The following COPB1 variants were observed in gnomAD, a reference collection of about 807,000 sequenced individuals.
COPB1 encodes coatomer subunit beta.
In COPB1, 21 loss-of-function variants were observed where a neutral mutation model predicts 108.7. That is an observed-to-expected ratio of 0.19 (90% CI 0.14 to 0.28). The LOEUF (loss-of-function observed/expected upper bound fraction) is 0.28, where lower values mean the gene tolerates loss of function less well. Ranked by LOEUF, COPB1 falls within the 10% of genes least tolerant of loss-of-function variation. The pLI is 1.00. For synonymous variants in COPB1, 378 were observed against 386.8 expected, an observed-to-expected ratio of 0.98 and a Z score of 0.27; for missense variants, 919 against 1,141.3, an observed-to-expected ratio of 0.81 and a Z score of 2.81.
intron 10 of COPB1, 108 bp from the exon 11 acceptor site, chr11:14,479,822 GA>G: frequency 8.8e-7 from 1 of 1,140,652 alleles, no homozygotes; most frequent in Non-Finnish European, 1.2e-6. Flanking sequence ...TGTTTTCTAA[GA>G]GACAGGGTCT....
chr11:14,458,553 T>C lies in COPB1; in HGVS notation c.2781A>G (p.Ile927Met). The change falls in exon 21 of 22, where the codon ATA becomes ATG. Residue 927 changes from isoleucine (I) to methionine (M), a missense_variant. Ile to Met is a conservative substitution (Grantham distance 10). Transcript: ENST00000439561. ...QGPDAAVTGH[I>M]RIRAKSQGMA... Reference sequence around the variant, plus strand: ...TTACCTGGCTCTTTGCACGAATTCTTATATGGCCGGTAACAGCAGCATCTG... The same window carrying C: ...TTACCTGGCTCTTTGCACGAATTCTCATATGGCCGGTAACAGCAGCATCTG... 1 of 1,611,782 alleles carries C rather than the reference T, an allele frequency of 6.2e-7. No individual in the cohort carries two copies. Among genetic ancestry groups the C allele is most frequent in the Non-Finnish European group, 8.5e-7 (1 of 1,179,272 alleles).
intron 15 of COPB1, 26 bp from the exon 16 acceptor site, chr11:14,468,886 C>G: frequency 6.3e-7 from 1 of 1,587,044 alleles, no homozygotes; most frequent in Non-Finnish European, 8.6e-7. Flanking sequence ...AACAAAGTCT[C>G]TCTTTAATAT....
chr11:14,479,843 G>C (rs1850622740), intron 10 of COPB1, 129 bp from the exon 11 acceptor site: 5 of 910,864 alleles, frequency 5.5e-6, no homozygotes, highest in African/African-American at 3.4e-5. Flanking sequence ...TTGCTTTGCT[G>C]CCCAGGCTAG....
intron 14 of COPB1, among the ~76,000 whole-genome samples, chr11:14,471,548 A>G (rs535260162): frequency 6.6e-6 from 1 of 152,344 alleles, no homozygotes; most frequent in East Asian, 1.9e-4. Context: ...AAATCAAATC[A>G]ATTAAGGGAT....
chr11:14,458,711 C>G (rs550589523), intron 20 of COPB1, 24 bp from the exon 21 acceptor site: 1 of 1,598,144 alleles, frequency 6.3e-7, no homozygotes, highest in Admixed American at 1.7e-5. Context: ...GTGATAAATT[C>G]ATTACTTTAC....
At chr11:14,461,056 A>G in intron 19 of COPB1, 130 bp downstream of exon 19, 1 of 1,132,154 alleles carries the variant, frequency 8.8e-7, no homozygotes, top group Non-Finnish European at 1.3e-6. Context: ...TTGCAAGAAC[A>G]GATACTGAAA....
intron 8 of COPB1, 131 bp downstream of exon 8, chr11:14,482,901 A>C: frequency 1.4e-6 from 1 of 738,630 alleles, no homozygotes; most frequent in Non-Finnish European, 2.0e-6. Context: ...AATAGTTAAC[A>C]CTTTAGCTGA....
chr11:14,492,407 G>A (rs369510674), intron 4 of COPB1, among the ~76,000 whole-genome samples: 3 of 151,926 alleles, frequency 2.0e-5, no homozygotes, highest in Non-Finnish European at 4.4e-5. Flanking sequence ...GCAATAGCGC[G>A]ATCTCGGTTC....
intron 14 of COPB1, among the ~76,000 whole-genome samples, chr11:14,473,508 T>C (rs1850453314): frequency 6.6e-6 from 1 of 152,292 alleles, no homozygotes; most frequent in South Asian, 2.1e-4. Context: ...TTAACCGGCC[T>C]AATTTCAATA....
chr11:14,465,441 T>G (rs903996625), intron 17 of COPB1, among the ~76,000 whole-genome samples: 38 of 152,234 alleles, frequency 2.5e-4, no homozygotes, highest in African/African-American at 6.7e-4. Context: ...CAAGCGATCC[T>G]CCTACCTCAG....
intron 18 of COPB1, among the ~76,000 whole-genome samples, chr11:14,463,825 C>G (rs1432397092): frequency 6.6e-6 from 1 of 152,102 alleles, no homozygotes; most frequent in East Asian, 1.9e-4. Context: ...TTACTCTAGC[C>G]ACTTCCTCTT....
chr11:14,492,490 T>C lies in COPB1; in HGVS notation c.491+1152A>G, dbSNP rs113080410. 3.6e-3 allele frequency among the ~76,000 whole-genome samples: 550 copies of C among 152,200 alleles called. 8 individuals carry two copies. Among genetic ancestry groups the C allele is most frequent in the African/African-American group, 0.013 (535 of 41,542 alleles). On this transcript the variant is annotated intron_variant, in intron 4 of 21. Transcript: ENST00000439561. ...TCCTGAGTAGCTAGGACTACAGGCA[T>C]GTGCCACCACGCCCAGCTAATTTTG...
rs1850695422 is a variant in COPB1, at chr11:14,483,021, A to G, written c.957+11T>C. 4 of 1,524,834 alleles carry G rather than the reference A, an allele frequency of 2.6e-6. No individual in the cohort carries two copies. Among genetic ancestry groups the G allele is most frequent in the Admixed American group, 2.0e-5 (1 of 50,326 alleles). The allele number at this position is 1,524,834 out of a possible 1,614,324, so 94.5% of individuals were successfully genotyped here. A position where few individuals can be genotyped will look rare whatever the true frequency, so the allele number is the denominator to read the frequency against. Reference sequence around the variant, plus strand: ...TTTATTTAGGATCTCTCTTTTTCAGATAACACTTACCTGTAGTACTCGTTC... The same window carrying G: ...TTTATTTAGGATCTCTCTTTTTCAGGTAACACTTACCTGTAGTACTCGTTC... On this transcript the variant is annotated intron_variant, in intron 8 of 21. Transcript: ENST00000439561.
chr11:14,491,539 C>T (rs551156947), intron 4 of COPB1, among the ~76,000 whole-genome samples: 2 of 152,212 alleles, frequency 1.3e-5, no homozygotes, highest in South Asian at 4.1e-4. Flanking sequence ...CGTGGTAGCG[C>T]ATGCCTGTAA....
At chr11:14,469,993 C>A (rs1359987719) in intron 14 of COPB1, among the ~76,000 whole-genome samples, 1 of 152,182 alleles carries the variant, frequency 6.6e-6, no homozygotes, top group South Asian at 2.1e-4. Flanking sequence ...CTCATAAATG[C>A]TTCAGCATTC....
chr11:14,493,707 T>G lies in COPB1; in HGVS notation c.426A>C (p.Ala142=). Residue 142 remains alanine, a synonymous_variant, in exon 4 of 22, where the codon GCA becomes GCC. Transcript: ENST00000439561. ...LLEPLMPAIR[A]CLEHRHSYVR... is the part of the protein sequence containing the mutation. ...CATAGCTGTGTCGATGCTCCAAACA[T>G]GCACGAATAGCTGGCATTAAAGGTT... 2 of 1,613,992 alleles carry G rather than the reference T, an allele frequency of 1.2e-6. No individual in the cohort carries two copies. The highest frequency in any genetic ancestry group is 1.7e-6 in the Non-Finnish European group (2 of 1,179,972).
At chr11:14,467,344 C>T (rs1850306272) in intron 16 of COPB1, among the ~76,000 whole-genome samples, 1 of 151,968 alleles carries the variant, frequency 6.6e-6, no homozygotes, top group Admixed American at 6.6e-5. Context: ...TGAGATACCA[C>T]TTCACATACC....
chr11:14,491,064 AGG>A (rs1850889229), intron 4 of COPB1, among the ~76,000 whole-genome samples: 1 of 151,916 alleles, frequency 6.6e-6, no homozygotes, highest in Non-Finnish European at 1.5e-5. Flanking sequence ...CTGGGATTAC[AGG>A]TGTGAGCCAC....
rs1054765591 is a variant in COPB1, at chr11:14,486,373, T to G, written c.831A>C (p.Ala277=). The change falls in exon 7 of 22, where the codon GCA becomes GCC. Residue 277 remains alanine, a synonymous_variant. Coordinates refer to ENST00000439561, the MANE Select transcript of COPB1 (RefSeq NM_001144061.2). The part of the protein sequence containing the change: ...TLVTLSSAPT[A]IKAAAQCYID... The stretch of plus-strand genomic sequence containing the variant: ...CAAAAGAAATACACAGTACCTTGAT[T>G]GCAGTTGGTGCACTAGAGAGTGTCA... 1.2e-6 allele frequency: 2 copies of G among 1,614,118 alleles called. No individual in the cohort carries two copies. The highest frequency in any genetic ancestry group is 1.1e-5 in the South Asian group (1 of 91,086).
Sources: gnomAD v4.1 joint callset for allele counts (sites outside exome capture counted in the v4.1 genomes callset) on GRCh38, gnomAD v4.1.1 for gene constraint, MANE v1.5 for transcripts, NCBI Gene and HGNC (gene_info 2026-07-23, HGNC 2026-07-21) for gene names.